Variants in PDPN observed in about 807,000 individuals in gnomAD.
The protein encoded by PDPN is podoplanin.
Under a neutral mutation model 23.2 loss-of-function variants are expected in PDPN, and 12 were observed. The ratio of observed to expected loss-of-function variants is 0.52; its 90% confidence interval spans 0.33 to 0.84. The LOEUF (loss-of-function observed/expected upper bound fraction) is 0.84, where lower values mean the gene tolerates loss of function less well. Ranked by LOEUF, PDPN falls within the 40% of genes least tolerant of loss-of-function variation. PDPN has a pLI of 0.02. For synonymous variants in PDPN, 77 were observed against 76.7 expected (o/e 1.00, Z -0.02); for missense variants, 199 against 212.2 (o/e 0.94, Z 0.39).
At chr1:13,590,019 G>A (rs1640296521) in intron 1 of PDPN, among the ~76,000 whole-genome samples, 2 of 152,114 alleles carry the variant, frequency 1.3e-5, no homozygotes, top group African/African-American at 4.8e-5. Context: ...GTAGAGATGG[G>A]GTTTCACCAT....
intron 1 of PDPN, among the ~76,000 whole-genome samples, chr1:13,600,873 G>A (rs573040283): frequency 6.6e-6 from 1 of 152,188 alleles, no homozygotes; most frequent in East Asian, 1.9e-4. Context: ...CTAAGAGATG[G>A]GGTTGGGGGG....
chr1:13,602,749 A>G (rs1570039522), intron 1 of PDPN, among the ~76,000 whole-genome samples: 1 of 151,944 alleles, frequency 6.6e-6, no homozygotes, highest in African/African-American at 2.4e-5. Flanking sequence ...TTGTATTTTC[A>G]GTAGAGACGG....
intron 1 of PDPN, among the ~76,000 whole-genome samples, chr1:13,597,759 C>G (rs1475388826): frequency 1.3e-5 from 2 of 152,026 alleles, no homozygotes; most frequent in African/African-American, 2.4e-5. Flanking sequence ...GTCGCTTGAG[C>G]CCAGGAGTTT....
rs1373432645 is a variant in PDPN at position 13,614,359 on chromosome 1, T to A, written c.430T>A (p.Phe144Ile). Reference protein sequence around the residue: ...IIVGVLLAIGFIGAIIVVVMR... With the variant: ...IIVGVLLAIGIIGAIIVVVMR... ...AGTTGGGGTCTTACTAGCCATCGGC[T>A]TCATTGGTGCAATCATCGTTGTGGT... The change falls in exon 5 of 6, where the codon TTC becomes ATC. Residue 144 changes from phenylalanine (F) to isoleucine (I), a missense_variant. Transcript: ENST00000621990. 1.2e-6 allele frequency: 2 copies of A among 1,610,100 alleles called. No individual in the cohort carries two copies. The highest frequency in any genetic ancestry group is 2.7e-5 in the African/African-American group (2 of 74,838).
chr1:13,590,715 G>A (rs184735576), intron 1 of PDPN, among the ~76,000 whole-genome samples: 124 of 152,250 alleles, frequency 8.1e-4, no homozygotes, highest in African/African-American at 3.0e-3. Context: ...AGACAGATGA[G>A]TCCGTGCTGA....
intron 1 of PDPN, among the ~76,000 whole-genome samples, chr1:13,586,627 A>G (rs1015028050): frequency 1.3e-5 from 2 of 152,134 alleles, no homozygotes; most frequent in African/African-American, 4.8e-5. Context: ...TGTGCTAGGA[A>G]TATTGCTAGC....
intron 1 of PDPN, among the ~76,000 whole-genome samples, chr1:13,605,986 A>G (rs889709271): frequency 4.6e-5 from 7 of 151,934 alleles, no homozygotes; most frequent in African/African-American, 1.7e-4. Flanking sequence ...AGCCAGGGCC[A>G]AGGGCAGTTC....
In PDPN at chr1:13,590,927, G is replaced by A. The variant is rs191384136; in HGVS notation, c.67+6827G>A. Among the ~76,000 whole-genome samples, 21 of 152,162 alleles carry A rather than the reference G, an allele frequency of 1.4e-4. No homozygotes were observed. In the East Asian group the frequency reaches 1.5e-3, roughly 11 times the overall value. ...ACAAAATGTGGTGACAACAGAAAGC[G>A]AGAATGAGACCAAATTTCTTTTCTT... On this transcript the variant is annotated intron_variant, in intron 1 of 5. Transcript: ENST00000621990.
At chr1:13,598,643 C>G (rs915833966) in intron 1 of PDPN, among the ~76,000 whole-genome samples, 1 of 152,052 alleles carries the variant, frequency 6.6e-6, no homozygotes, top group African/African-American at 2.4e-5. Flanking sequence ...TTCTACCGAA[C>G]CACCGCTCCA....
intron 3 of PDPN, among the ~76,000 whole-genome samples, chr1:13,610,839 G>A (rs186481286): frequency 2.0e-5 from 3 of 152,222 alleles, no homozygotes; most frequent in African/African-American, 4.8e-5. Flanking sequence ...CCAAGGGCAC[G>A]ACACTCAGCC....
chr1:13,587,045 G>A lies in PDPN; in HGVS notation c.67+2945G>A, dbSNP rs146139856. The stretch of plus-strand genomic sequence containing the variant: ...CAGCCTGGCAACAGAGCGAGACTCC[G>A]TCTCAAAAATATATATAAAAACAAA... On this transcript the variant is annotated intron_variant, in intron 1 of 5. Coordinates refer to ENST00000621990, the MANE Select transcript of PDPN (RefSeq NM_006474.5). Among the ~76,000 whole-genome samples the A allele has an allele frequency of 5.2e-3, 793 of 152,236 alleles. 5 individuals carry two copies. The highest frequency in any genetic ancestry group is 5.3e-3 in the Non-Finnish European group (360 of 68,016).
At chr1:13,606,284 G>A (rs943964364) in intron 1 of PDPN, among the ~76,000 whole-genome samples, 7 of 152,088 alleles carry the variant, frequency 4.6e-5, no homozygotes, top group Admixed American at 2.6e-4. Context: ...GATTACAGGC[G>A]TGAACCACTG....
intron 3 of PDPN, among the ~76,000 whole-genome samples, chr1:13,613,192 C>T (rs1312198863): frequency 6.6e-6 from 1 of 152,124 alleles, no homozygotes; most frequent in African/African-American, 2.4e-5. Context: ...ATTTTGCTAC[C>T]AAAGAAGTAG....
intron 1 of PDPN, among the ~76,000 whole-genome samples, chr1:13,586,435 A>G (rs559035698): frequency 2.6e-4 from 39 of 152,308 alleles, no homozygotes; most frequent in African/African-American, 8.7e-4. Context: ...GTGTCCGGGC[A>G]TGAGAAGGCT....
At chr1:13,597,171 T>C (rs1640518539) in intron 1 of PDPN, among the ~76,000 whole-genome samples, 1 of 152,202 alleles carries the variant, frequency 6.6e-6, no homozygotes. Flanking sequence ...ATAGTTATCC[T>C]AGAGTTTGTT....
At position 13,614,369 on chromosome 1, in the gene PDPN, C is replaced by G. The variant is rs2486188; in HGVS notation, c.440C>G (p.Ala147Gly). Residue 147 changes from alanine to glycine, a missense_variant, in exon 5 of 6, where the codon GCA becomes GGA. By Grantham distance (60) the Ala-to-Gly change is moderately conservative (BLOSUM62 0). Coordinates refer to ENST00000621990, the MANE Select transcript of PDPN (RefSeq NM_006474.5). ...TTACTAGCCATCGGCTTCATTGGTG[C>G]AATCATCGTTGTGGTTATGCGAAAA... ...GVLLAIGFIG[A>G]IIVVVMRKMS... 0.95 allele frequency: 1,532,354 copies of G among 1,607,050 alleles called. 731,197 individuals are homozygous for G. Among genetic ancestry groups the G allele is most frequent in the East Asian group, 1 (44,845 of 44,846 alleles).
chr1:13,607,386 T>A, intron 2 of PDPN, 80 bp downstream of exon 2: 1 of 953,578 alleles, frequency 1.0e-6, no homozygotes, highest in East Asian at 3.0e-5. Context: ...TAATTTACTT[T>A]ATATAAAAAT....
In PDPN at chr1:13,616,690, G is replaced by A. The variant is rs1061610; in HGVS notation, c.*779G>A. The A allele has an allele frequency of 0.069, 10,523 of 152,378 alleles. 417 individuals carry two copies. Among genetic ancestry groups the A allele is most frequent in the Middle Eastern group, 0.099 (29 of 294 alleles). 9.4% of individuals were successfully genotyped at this position (152,378 alleles called of 1,614,324 possible). A position where few individuals can be genotyped will look rare whatever the true frequency, so the allele number is the denominator to read the frequency against. ...CCCTCCACTTCCCTCAGATGATGAG[G>A]AGCCAGGGCTAAGGGGGCAGCCTTC... On this transcript the variant is annotated 3_prime_UTR_variant, in exon 6 of 6. Coordinates refer to ENST00000621990, the MANE Select transcript of PDPN (RefSeq NM_006474.5).
At chr1:13,586,763 TAA>T (rs34131450) in intron 1 of PDPN, among the ~76,000 whole-genome samples, 29,334 of 125,196 alleles carry the variant, frequency 0.23, 3,529 homozygotes, top group African/African-American at 0.35. Flanking sequence ...ACTCTGCCAT[TAA>T]AAAAAAAAAA....
Sources: gnomAD v4.1 joint callset for allele counts (sites outside exome capture counted in the v4.1 genomes callset) on GRCh38, gnomAD v4.1.1 for gene constraint, MANE v1.5 for transcripts, NCBI Gene and HGNC (gene_info 2026-07-23, HGNC 2026-07-21) for gene names.